NUAK1: variants seen among roughly 807,000 people sequenced by gnomAD.
NUAK1 encodes the protein NUAK family kinase 1, also known as NUAK family SNF1-like kinase 1.
NUAK1 carries 26 observed loss-of-function variants against 56.9 expected under a neutral mutation model. That is an observed-to-expected ratio of 0.46 (90% CI 0.33 to 0.63). NUAK1 has a LOEUF of 0.63. Ranked by LOEUF, NUAK1 falls within the 30% of genes least tolerant of loss-of-function variation. NUAK1 has a pLI of 0.02. For missense variants in NUAK1, 727 were observed against 876.1 expected, an observed-to-expected ratio of 0.83 and a Z score of 2.15; for synonymous variants, 337 against 336.0, an observed-to-expected ratio of 1.00 and a Z score of -0.03.
At chr12:106,098,841 C>A (rs1223280263) in intron 2 of NUAK1, among the ~76,000 whole-genome samples, 1 of 152,202 alleles carries the variant, frequency 6.6e-6, no homozygotes, top group African/African-American at 2.4e-5. Context: ...GAAATCAGAA[C>A]CTCAGGCAAA....
At chr12:106,071,923 C>T (rs902109445) in intron 5 of NUAK1, among the ~76,000 whole-genome samples, 1 of 152,208 alleles carries the variant, frequency 6.6e-6, no homozygotes, top group Non-Finnish European at 1.5e-5. Context: ...TTTCAACACA[C>T]TGAGCAGCTG....
At chr12:106,136,842 A>G (rs2033134018) in intron 1 of NUAK1, among the ~76,000 whole-genome samples, 1 of 152,232 alleles carries the variant, frequency 6.6e-6, no homozygotes, top group Admixed American at 6.5e-5. Flanking sequence ...GAAGAAAAGC[A>G]TGAATGAAGT....
Position 106,138,368 on chromosome 12 carries a change from G to A in NUAK1, c.240+46C>T, listed in dbSNP as rs1291922458. The A allele has an allele frequency of 3.9e-6, 6 of 1,553,916 alleles. No homozygotes were observed. Among genetic ancestry groups the A allele is most frequent in the Non-Finnish European group, 5.2e-6 (6 of 1,155,968 alleles). On this transcript the variant is annotated intron_variant, in intron 1 of 6. Transcript: ENST00000261402. This position sits in a 1 kb window ranked among gnomAD's most constrained non-coding sequence, Gnocchi z 5.0. The stretch of plus-strand genomic sequence containing the variant: ...CCTCGCACGCCCTCAGTCCCCGGCC[G>A]CGTCCACCCAGCGCCCCCCGCACCC...
intron 1 of NUAK1, among the ~76,000 whole-genome samples, chr12:106,121,604 G>T (rs1247468683): frequency 6.6e-6 from 1 of 152,198 alleles, no homozygotes; most frequent in Non-Finnish European, 1.5e-5. Flanking sequence ...ACAAAAATTA[G>T]CTGGGCATGG....
intron 3 of NUAK1, 25 bp from the exon 4 acceptor site, chr12:106,083,954 A>AT: frequency 6.2e-7 from 1 of 1,601,676 alleles, no homozygotes; most frequent in Non-Finnish European, 8.6e-7. Context: ...CAAAGAGGGA[A>AT]TTGAATGGGA....
chr12:106,068,382 A>C (rs1289563907), intron 6 of NUAK1, among the ~76,000 whole-genome samples: 1 of 152,224 alleles, frequency 6.6e-6, no homozygotes, highest in Non-Finnish European at 1.5e-5. Context: ...TTATTCCTCC[A>C]AAGGTGGGCT....
chr12:106,112,227 A>G (rs1454846028), intron 1 of NUAK1, among the ~76,000 whole-genome samples: 1 of 152,166 alleles, frequency 6.6e-6, no homozygotes, highest in African/African-American at 2.4e-5. Context: ...CTTCCCTGCC[A>G]TTCACAAGGT....
intron 4 of NUAK1, 50 bp downstream of exon 4, chr12:106,083,814 G>T: frequency 6.5e-7 from 1 of 1,527,502 alleles, no homozygotes; most frequent in Non-Finnish European, 9.1e-7. Context: ...GCCTCCATCC[G>T]GCTGCAAGAC....
Position 106,138,627 on chromosome 12 carries a change from C to A in NUAK1, c.27G>T (p.Ala9=). ...CCAGCCCCAAGTCGGGGCGGTCCCC[C>A]GCCACAGGCGCGGCGGCCCCTTCCA... MEGAAAPV[A]GDRPDLGLGA... The change falls in exon 1 of 7, where the codon GCG becomes GCT. Residue 9 remains alanine (A), a synonymous_variant. Coordinates refer to ENST00000261402, the MANE Select transcript of NUAK1 (RefSeq NM_014840.3). This position sits in a 1 kb window ranked among gnomAD's most constrained non-coding sequence, Gnocchi z 5.0. 3 of 1,549,556 alleles carry A rather than the reference C, an allele frequency of 1.9e-6. No homozygotes were observed. The highest frequency in any genetic ancestry group is 2.6e-6 in the Non-Finnish European group (3 of 1,156,164).
intron 1 of NUAK1, among the ~76,000 whole-genome samples, chr12:106,108,217 G>A (rs937268794): frequency 6.6e-6 from 1 of 152,112 alleles, no homozygotes; most frequent in Admixed American, 6.5e-5. Flanking sequence ...ATACTGCCAC[G>A]ACAAGCATAA....
Position 106,067,431 on chromosome 12 carries a change from T to G in NUAK1, c.1357A>C (p.Lys453Gln), listed in dbSNP as rs769318013. The G allele has an allele frequency of 6.2e-7, 1 of 1,614,184 alleles. No individual in the cohort carries two copies. The highest frequency in any genetic ancestry group is 1.1e-5 in the South Asian group (1 of 91,074). The change falls in exon 7 of 7, where the codon AAA (lysine) becomes CAA (glutamine). Residue 453 changes from lysine to glutamine, a missense_variant. Transcript: ENST00000261402. This position sits in a 1 kb window ranked among gnomAD's most constrained non-coding sequence, Gnocchi z 6.0. The part of the protein sequence containing the change: ...PSSPEAEVPG[K>Q]LSPKQSATMP... ...GTGGCCGACTGCTTGGGGCTGAGTT[T>G]TCCCGGCACCTCTGCCTCTGGTGAG...
In NUAK1 at chr12:106,086,796, T is replaced by C. The variant is rs1037908398; in HGVS notation, c.451A>G (p.Ser151Gly). Reference protein sequence around the residue: ...YDYISERRRLSERETRHFFRQ... With the variant: ...YDYISERRRLGERETRHFFRQ... ...AAGAAGTGCCGGGTCTCCCTCTCAC[T>C]GAGGCGTCGCCGCTCACTGATGTAA... The change falls in exon 3 of 7, where the codon AGT becomes GGT. Residue 151 changes from serine (S) to glycine (G), a missense_variant. Transcript: ENST00000261402. 2.5e-6 allele frequency: 4 copies of C among 1,614,182 alleles called. No individual in the cohort carries two copies. The highest frequency in any genetic ancestry group is 3.4e-6 in the Non-Finnish European group (4 of 1,180,004).
At chr12:106,094,935 A>T (rs1192568253) in intron 2 of NUAK1, among the ~76,000 whole-genome samples, 1 of 151,928 alleles carries the variant, frequency 6.6e-6, no homozygotes, top group East Asian at 1.9e-4. Context: ...ACTTGACAAC[A>T]CCACACTGGA....
At chr12:106,130,183 T>C (rs1442232294) in intron 1 of NUAK1, among the ~76,000 whole-genome samples, 7 of 152,198 alleles carry the variant, frequency 4.6e-5, no homozygotes, top group African/African-American at 1.2e-4. Flanking sequence ...GGTTTCACCA[T>C]GTTGGCCAGG....
intron 1 of NUAK1, among the ~76,000 whole-genome samples, chr12:106,137,131 G>T (rs566420051): frequency 1.3e-5 from 2 of 152,220 alleles, no homozygotes; most frequent in South Asian, 4.2e-4. Flanking sequence ...AAATGGGTTG[G>T]GAGGGCGTTA....
chr12:106,069,619 TTA>T, intron 6 of NUAK1, among the ~76,000 whole-genome samples: 1 of 152,270 alleles, frequency 6.6e-6, no homozygotes, highest in African/African-American at 2.4e-5. Flanking sequence ...TAAAACAAGG[TTA>T]TATATCAATC....
At chr12:106,096,825 T>C (rs2136467273) in intron 2 of NUAK1, among the ~76,000 whole-genome samples, 1 of 152,332 alleles carries the variant, frequency 6.6e-6, no homozygotes, top group Middle Eastern at 3.4e-3. Context: ...TTTCTCTTTG[T>C]TGCAGGATTA....
intron 1 of NUAK1, among the ~76,000 whole-genome samples, chr12:106,125,346 C>G (rs879617441): frequency 6.6e-6 from 1 of 152,126 alleles, no homozygotes; most frequent in Non-Finnish European, 1.5e-5. Flanking sequence ...GCTATTTTCC[C>G]AAGCACGGAG....
At chr12:106,080,111 G>T (rs1244388745) in intron 4 of NUAK1, among the ~76,000 whole-genome samples, 1 of 152,166 alleles carries the variant, frequency 6.6e-6, no homozygotes, top group Non-Finnish European at 1.5e-5. Context: ...TATCATCAAA[G>T]CCCAGAGGCT....
Sources: gnomAD v4.1 joint callset for allele counts (sites outside exome capture counted in the v4.1 genomes callset) on GRCh38, gnomAD v4.1.1 for gene constraint, Gnocchi (gnomAD v3.1) non-coding constraint, MANE v1.5 for transcripts, NCBI Gene and HGNC (gene_info 2026-07-23, HGNC 2026-07-21) for gene names.